The following ARSG variants were observed in gnomAD, a reference collection of about 807,000 sequenced individuals.
ARSG encodes the protein ASG.
A neutral mutation model predicts 50.5 loss-of-function variants in ARSG; 37 were observed. That is an observed-to-expected ratio of 0.73 (90% CI 0.56 to 0.96). ARSG has a LOEUF of 0.96. Among genes scored for constraint, ARSG ranks in the 50% least tolerant of loss-of-function variants. ARSG has a pLI of 0.00. For synonymous variants in ARSG, 225 were observed against 254.6 expected, an observed-to-expected ratio of 0.88 and a Z score of 1.11; for missense variants, 629 against 675.3, an observed-to-expected ratio of 0.93 and a Z score of 0.76.
At chr17:68,314,143 A>T (rs1368033993) in intron 2 of ARSG, among the ~76,000 whole-genome samples, 3 of 152,162 alleles carry the variant, frequency 2.0e-5, no homozygotes, top group African/African-American at 7.2e-5. Context: ...CCCCGGGCAA[A>T]CTGCATCATC....
chr17:68,333,576 C>T (rs1039735258), intron 2 of ARSG, among the ~76,000 whole-genome samples: 4 of 147,874 alleles, frequency 2.7e-5, no homozygotes, highest in Admixed American at 6.8e-5. Flanking sequence ...TGCAGTGAGC[C>T]GAGATCGTGC....
Position 68,399,747 on chromosome 17 carries a change from C to G in ARSG, c.1213-1613C>G, listed in dbSNP as rs1050596975. On this transcript the variant is annotated intron_variant, in intron 10 of 11. Coordinates refer to ENST00000621439, the MANE Select transcript of ARSG (RefSeq NM_001267727.2). This position sits in a 1 kb window ranked among gnomAD's most constrained non-coding sequence, Gnocchi z 4.6. ...CCTCATGGAATTTCTGTGACTGAGACGCAAGTACTGTGACTGATCTGAAGC... is the reference window on the plus strand; with the variant it reads ...CCTCATGGAATTTCTGTGACTGAGAGGCAAGTACTGTGACTGATCTGAAGC... 6.6e-6 allele frequency among the ~76,000 whole-genome samples: 1 copy of G among 152,168 alleles called. No homozygotes were observed. Among genetic ancestry groups the G allele is most frequent in the Non-Finnish European group, 1.5e-5 (1 of 68,042 alleles).
chr17:68,357,624 T>C (rs1171252679), intron 6 of ARSG, among the ~76,000 whole-genome samples: 1 of 152,184 alleles, frequency 6.6e-6, no homozygotes, highest in Non-Finnish European at 1.5e-5. Context: ...GAGCTATCCT[T>C]CATTCTACCA....
the ARSG span, chr17:68,451,025 C>G: frequency 7.7e-7 from 1 of 1,305,632 alleles, no homozygotes; most frequent in Non-Finnish European, 1.0e-6. Flanking sequence ...GCCAGGCGCC[C>G]TCTCTGAGCT....
At chr17:68,444,298 A>T in the ARSG span, among the ~76,000 whole-genome samples, 7 of 152,370 alleles carry the variant, frequency 4.6e-5, no homozygotes, top group South Asian at 4.1e-4. Flanking sequence ...TGAAGGGCAC[A>T]CAGCCCCCCT....
chr17:68,275,287 A>AT (rs145174040), intron 1 of ARSG, among the ~76,000 whole-genome samples: 2,349 of 152,312 alleles, frequency 0.015, 59 homozygotes, highest in African/African-American at 0.054. Context: ...TAAGTGAGCC[A>AT]TTGAGAGTTG....
chr17:68,436,030 C>T, the ARSG span, among the ~76,000 whole-genome samples: 2 of 152,234 alleles, frequency 1.3e-5, no homozygotes, highest in East Asian at 1.9e-4. Context: ...AATCTTGTCC[C>T]GCTCAGGGAT....
chr17:68,368,914 T>A (rs182022166), intron 7 of ARSG, among the ~76,000 whole-genome samples, 170 bp downstream of exon 7: 7 of 152,204 alleles, frequency 4.6e-5, no homozygotes, highest in African/African-American at 1.7e-4. Flanking sequence ...CACCTGTCCA[T>A]TGGGGCCTCC....
the ARSG span, chr17:68,436,557 A>G: frequency 7.3e-7 from 1 of 1,373,820 alleles, no homozygotes; most frequent in Non-Finnish European, 1.0e-6. Flanking sequence ...ATCTGAAAAC[A>G]GTACAGCTAC....
At chr17:68,376,180 G>T (rs1046181639) in intron 8 of ARSG, among the ~76,000 whole-genome samples, 2 of 151,698 alleles carry the variant, frequency 1.3e-5, no homozygotes, top group African/African-American at 4.8e-5. Flanking sequence ...CGCGATCATA[G>T]CTCATTGCAG....
Position 68,343,743 on chromosome 17 carries a change from A to G in ARSG, c.358A>G (p.Thr120Ala). Residue 120 changes from threonine to alanine, a missense_variant, in exon 3 of 12, where the codon ACC becomes GCC. By Grantham distance (58) the Thr-to-Ala change is moderately conservative. Transcript: ENST00000621439. ...SVGGLPLNET[T>A]LAEVLQQAGY... Reference sequence around the variant, plus strand: ...GGGAGGCCTTCCGCTCAACGAGACCACCTTGGCAGAGGTGCTGCAGCAGGC... The same window carrying G: ...GGGAGGCCTTCCGCTCAACGAGACCGCCTTGGCAGAGGTGCTGCAGCAGGC... 1 of 1,614,020 alleles carries G rather than the reference A, an allele frequency of 6.2e-7. No homozygotes were observed. The highest frequency in any genetic ancestry group is 8.5e-7 in the Non-Finnish European group (1 of 1,179,956).
At chr17:68,313,554 A>C (rs797040075) in intron 2 of ARSG, among the ~76,000 whole-genome samples, 48 of 152,314 alleles carry the variant, frequency 3.2e-4, no homozygotes, top group African/African-American at 1.2e-3. Context: ...ACCTCATCTT[A>C]ACTTAATGAC....
chr17:68,382,181 A>G (rs35401841), intron 8 of ARSG, among the ~76,000 whole-genome samples: 14,816 of 152,024 alleles, frequency 0.097, 837 homozygotes, highest in Admixed American at 0.17. Flanking sequence ...TCCTGACCTC[A>G]TGATCTGCCC....
At chr17:68,329,068 C>T (rs996109036) in intron 2 of ARSG, among the ~76,000 whole-genome samples, 6 of 152,180 alleles carry the variant, frequency 3.9e-5, no homozygotes, top group Non-Finnish European at 8.8e-5. Flanking sequence ...GGGACAAACT[C>T]GAACAGTGCT....
intron 2 of ARSG, among the ~76,000 whole-genome samples, chr17:68,336,639 G>A (rs1434296967): frequency 2.6e-5 from 4 of 152,188 alleles, no homozygotes; most frequent in Non-Finnish European, 5.9e-5. Context: ...GATCACTTGA[G>A]GCCAGGAATT....
intron 5 of ARSG, among the ~76,000 whole-genome samples, chr17:68,354,342 G>A (rs1330404162): frequency 6.6e-6 from 1 of 151,418 alleles, no homozygotes; most frequent in African/African-American, 2.4e-5. Context: ...GATGGCTTGA[G>A]GAGGAGGTTG....
At chr17:68,278,973 T>C (rs2075611814) in intron 1 of ARSG, among the ~76,000 whole-genome samples, 3 of 152,182 alleles carry the variant, frequency 2.0e-5, no homozygotes, top group African/African-American at 7.2e-5. Context: ...TGGATACTTT[T>C]ATGCATATAT....
the ARSG span, among the ~76,000 whole-genome samples, chr17:68,437,652 C>T: frequency 6.6e-6 from 1 of 151,910 alleles, no homozygotes; most frequent in Admixed American, 6.6e-5. Context: ...TTGAGGTCTG[C>T]GTCTGCAGTC....
rs546612103 is a variant in ARSG, at chr17:68,386,537, C to G, written c.1091+1365C>G. Among the ~76,000 whole-genome samples, 5 of 152,220 alleles carry G rather than the reference C, an allele frequency of 3.3e-5. No homozygotes were observed. In the South Asian group the frequency reaches 1.0e-3, roughly 32 times the overall value. On this transcript the variant is annotated intron_variant, in intron 9 of 11. Coordinates refer to ENST00000621439, the MANE Select transcript of ARSG (RefSeq NM_001267727.2). The stretch of plus-strand genomic sequence containing the variant: ...GCAGCCTGTGGGGCCCCCAGAAATT[C>G]CGGGTCAGCCCTGTACAGTCAGGAG...
Sources: allele counts gnomAD v4.1 joint callset (sites outside exome capture counted in the v4.1 genomes callset), GRCh38; gene constraint gnomAD v4.1.1; non-coding constraint Gnocchi (gnomAD v3.1); transcripts MANE v1.5; gene names NCBI Gene and HGNC (gene_info 2026-07-23, HGNC 2026-07-21).